The following AQP7B variants were observed in gnomAD, a reference collection of about 807,000 sequenced individuals.
AQP7B encodes the protein putative aquaporin-7B.
At chr2:94,599,247 C>T in the AQP7B span, among the ~76,000 whole-genome samples, 2 of 152,128 alleles carry the variant, frequency 1.3e-5, no homozygotes, top group African/African-American at 4.8e-5. Flanking sequence ...CCTCACTCCC[C>T]CCGGCACCCC....
At chr2:94,603,487 G>T in the AQP7B span, 3 of 1,610,084 alleles carry the variant, frequency 1.9e-6, no homozygotes, top group African/African-American at 4.0e-5. Context: ...ATTGTGGCGG[G>T]GCTTCCTGAA....
At chr2:94,598,536 C>T in the AQP7B span, among the ~76,000 whole-genome samples, 2 of 152,090 alleles carry the variant, frequency 1.3e-5, no homozygotes, top group African/African-American at 2.4e-5. Flanking sequence ...CAACTCTGGG[C>T]GGTGGGGACT....
At chr2:94,600,647 G>A in the AQP7B span, among the ~76,000 whole-genome samples, 1 of 152,184 alleles carries the variant, frequency 6.6e-6, no homozygotes, top group South Asian at 2.1e-4. Flanking sequence ...GGAGGCCAAG[G>A]CAGGCTGATC....
the AQP7B span, among the ~76,000 whole-genome samples, chr2:94,591,938 G>T: frequency 6.6e-6 from 1 of 151,822 alleles, no homozygotes; most frequent in East Asian, 1.9e-4. Context: ...TTGCTCAATT[G>T]ATTGCTTTTC....
chr2:94,598,190 G>A, the AQP7B span, among the ~76,000 whole-genome samples: 1 of 152,198 alleles, frequency 6.6e-6, no homozygotes, highest in Non-Finnish European at 1.5e-5. Context: ...TTAGTTGCCA[G>A]GCTGTGCCAA....
chr2:94,604,138 G>T, the AQP7B span: 21 of 808,772 alleles, frequency 2.6e-5, no homozygotes, highest in Non-Finnish European at 3.9e-5. Context: ...TCCCTGAATC[G>T]GGCTGAGGCT....
At chr2:94,590,356 T>A in the AQP7B span, among the ~76,000 whole-genome samples, 17 of 152,220 alleles carry the variant, frequency 1.1e-4, no homozygotes, top group East Asian at 5.8e-4. Context: ...CTAATTTTTT[T>A]TTTTTATTTT....
chr2:94,592,311 G>A, the AQP7B span, among the ~76,000 whole-genome samples: 127 of 152,256 alleles, frequency 8.3e-4, no homozygotes, highest in African/African-American at 2.9e-3. Flanking sequence ...AATGAGAGAC[G>A]TCCAGGCATG....
the AQP7B span, among the ~76,000 whole-genome samples, chr2:94,592,495 C>G: frequency 7.0e-4 from 106 of 152,250 alleles, no homozygotes; most frequent in African/African-American, 2.4e-3. Flanking sequence ...TCCCATGCAG[C>G]ATCGTATAGG....
the AQP7B span, among the ~76,000 whole-genome samples, chr2:94,592,194 G>C: frequency 8.5e-5 from 13 of 152,076 alleles, no homozygotes; most frequent in African/African-American, 3.1e-4. Flanking sequence ...AGGTGGGGTT[G>C]GATGGGAGCC....
At chr2:94,589,781 C>G in the AQP7B span, among the ~76,000 whole-genome samples, 59 of 152,104 alleles carry the variant, frequency 3.9e-4, no homozygotes, top group African/African-American at 1.4e-3. Context: ...CTCCGCCCCC[C>G]ACAAGTCCAC....
At chr2:94,590,344 A>T in the AQP7B span, among the ~76,000 whole-genome samples, 1 of 150,940 alleles carries the variant, frequency 6.6e-6, no homozygotes, top group Non-Finnish European at 1.5e-5. Flanking sequence ...CACCACGCCC[A>T]GCTAATTTTT....
At chr2:94,593,816 C>T in the AQP7B span, among the ~76,000 whole-genome samples, 3 of 152,010 alleles carry the variant, frequency 2.0e-5, no homozygotes, top group Non-Finnish European at 2.9e-5. Flanking sequence ...TCCAGTCCCA[C>T]CCCGCCACCT....
the AQP7B span, among the ~76,000 whole-genome samples, chr2:94,588,308 G>C: frequency 2.6e-5 from 4 of 151,964 alleles, no homozygotes; most frequent in East Asian, 2.0e-4. Flanking sequence ...AGCATGGGTG[G>C]GGTGGGGCTC....
At chr2:94,595,893 G>T in the AQP7B span, among the ~76,000 whole-genome samples, 1 of 152,288 alleles carries the variant, frequency 6.6e-6, no homozygotes, top group Admixed American at 6.5e-5. Context: ...GGCTTGGTCT[G>T]GAAGGAAAAA....
chr2:94,599,244 C>G, the AQP7B span, among the ~76,000 whole-genome samples: 1 of 152,068 alleles, frequency 6.6e-6, no homozygotes, highest in Non-Finnish European at 1.5e-5. Context: ...TGACCTCACT[C>G]CCCCCGGCAC....
At chr2:94,596,763 G>A in the AQP7B span, among the ~76,000 whole-genome samples, 17 of 152,264 alleles carry the variant, frequency 1.1e-4, no homozygotes, top group Non-Finnish European at 2.1e-4. Context: ...GCAGTGGTAC[G>A]ATCTCAGCTC....
the AQP7B span, chr2:94,602,668 G>C: frequency 5.9e-6 from 9 of 1,515,288 alleles, no homozygotes; most frequent in South Asian, 1.0e-4. Flanking sequence ...TCCCCAACAG[G>C]CTCTTTCCTG....
chr2:94,594,354 C>G, the AQP7B span, among the ~76,000 whole-genome samples: 81 of 152,350 alleles, frequency 5.3e-4, 2 homozygotes, highest in South Asian at 0.017. Flanking sequence ...GATAGGCAGA[C>G]AGACAGATGG....
Sources: gnomAD v4.1 joint callset for allele counts (sites outside exome capture counted in the v4.1 genomes callset) on GRCh38, gnomAD v4.1.1 for gene constraint, MANE v1.5 for transcripts, NCBI Gene and HGNC (gene_info 2026-07-23, HGNC 2026-07-21) for gene names.